The following CDH13 variants were observed in gnomAD, a reference collection of about 807,000 sequenced individuals.
The protein encoded by CDH13 is cadherin-13.
Under a neutral mutation model 63.8 loss-of-function variants are expected in CDH13, and 24 were observed. The observed-to-expected ratio is 0.38, with a 90% CI of 0.27 to 0.53. CDH13 has a LOEUF of 0.53. CDH13 is among the 20% of genes least tolerant of loss of function. The probability of loss-of-function intolerance (pLI) is 0.85; values close to 1 mark genes in which losing one functional copy is unlikely to be tolerated. For missense variants in CDH13, 1,049 were observed against 903.1 expected (o/e 1.16, Z -2.07); for synonymous variants, 503 against 355.3 (o/e 1.42, Z -4.67).
chr16:82,812,654 G>A (rs1184508619), intron 1 of CDH13, among the ~76,000 whole-genome samples: 1 of 152,178 alleles, frequency 6.6e-6, no homozygotes, highest in African/African-American at 2.4e-5. Flanking sequence ...AAACCAGATG[G>A]GAGGGGAAGA....
At chr16:83,276,590 G>C (rs1413316493) in intron 5 of CDH13, among the ~76,000 whole-genome samples, 1 of 152,196 alleles carries the variant, frequency 6.6e-6, no homozygotes, top group Non-Finnish European at 1.5e-5. Context: ...CACATCTTGG[G>C]CCAGGCGTGG....
chr16:82,855,889 G>A (rs1014638516), intron 1 of CDH13, among the ~76,000 whole-genome samples: 1 of 152,134 alleles, frequency 6.6e-6, no homozygotes, highest in African/African-American at 2.4e-5. Context: ...GAGAAGCCCT[G>A]GTTCCACAGC....
chr16:83,478,465 A>G (rs2073670139), intron 6 of CDH13, among the ~76,000 whole-genome samples: 1 of 152,282 alleles, frequency 6.6e-6, no homozygotes, highest in East Asian at 1.9e-4. Context: ...GGTCATTAGC[A>G]TCTTCATCAA....
intron 5 of CDH13, among the ~76,000 whole-genome samples, chr16:83,250,896 G>A (rs1223573174): frequency 1.3e-5 from 2 of 152,086 alleles, no homozygotes; most frequent in East Asian, 3.9e-4. Context: ...CAGTGACACT[G>A]TTATGCAAAC....
chr16:83,003,725 T>A (rs1913184252), intron 2 of CDH13, among the ~76,000 whole-genome samples: 1 of 152,240 alleles, frequency 6.6e-6, no homozygotes, highest in Non-Finnish European at 1.5e-5. Flanking sequence ...CAGAGAAGAT[T>A]ACTACGACCC....
Position 83,345,094 on chromosome 16 carries a change from G to T in CDH13, c.781+88G>T. On this transcript the variant is annotated intron_variant, in intron 6 of 13. Transcript: ENST00000567109. ...GGATTCTAGGGACTGTCTTATGGCT[G>T]TTCCAACTTGTCAGCTCGTATCAGC... is the stretch of plus-strand genomic sequence containing the variant. The T allele has an allele frequency of 4.2e-6, 6 of 1,423,140 alleles. No homozygotes were observed. In the South Asian group the frequency reaches 7.1e-5, roughly 17 times the overall value. 88.2% of individuals were successfully genotyped at this position (1,423,140 alleles called of 1,614,324 possible).
At chr16:82,969,567 G>A (rs1908390834) in intron 2 of CDH13, among the ~76,000 whole-genome samples, 1 of 150,668 alleles carries the variant, frequency 6.6e-6, no homozygotes, top group African/African-American at 2.4e-5. Context: ...TCTCAACCTG[G>A]GCAATATTGA....
intron 6 of CDH13, among the ~76,000 whole-genome samples, chr16:83,440,687 C>T (rs148128996): frequency 3.3e-5 from 5 of 149,800 alleles, no homozygotes; most frequent in Admixed American, 6.7e-5. Context: ...CAGGAGGCTG[C>T]GGCAGGAGAA....
At chr16:83,490,048 C>CACACTCACACAG (rs530046272) in intron 7 of CDH13, among the ~76,000 whole-genome samples, 4 of 150,158 alleles carry the variant, frequency 2.7e-5, no homozygotes, top group African/African-American at 9.9e-5. Context: ...CACACACACA[C>CACACTCACACAG]AGCTCACCAG....
chr16:83,780,201 A>T lies in CDH13; in HGVS notation c.1915A>T (p.Asn639Tyr), dbSNP rs186440718. Reference protein sequence around the residue: ...DKVWKISKINNTHALVSLLQN... With the variant: ...DKVWKISKINYTHALVSLLQN... ...AGTCTGGAAGATCTCCAAGATCAAC[A>T]GTAAGTCTGGCTAAAGCATTTCTGC... Residue 639 changes from asparagine (N) to tyrosine (Y), a missense_variant and splice_region_variant, in exon 12 of 14, where the codon AAT (asparagine) becomes TAT (tyrosine). Asn to Tyr is a moderately radical substitution (Grantham distance 143, BLOSUM62 -2). Transcript: ENST00000567109. 607 of 1,576,458 alleles carry T rather than the reference A, an allele frequency of 3.9e-4. 5 individuals carry two copies. Among genetic ancestry groups the T allele is most frequent in the Non-Finnish European group, 2.5e-5 (29 of 1,154,956 alleles).
At chr16:83,379,934 TATATAG>T (rs1407349419) in intron 6 of CDH13, among the ~76,000 whole-genome samples, 12 of 86,696 alleles carry the variant, frequency 1.4e-4, no homozygotes, top group Non-Finnish European at 2.3e-4. Context: ...TATATATATA[TATATAG>T]AGAGAGAGAG....
intron 7 of CDH13, among the ~76,000 whole-genome samples, chr16:83,502,342 C>G (rs1040349327): frequency 6.6e-6 from 1 of 151,888 alleles, no homozygotes; most frequent in African/African-American, 2.4e-5. Flanking sequence ...GGAGCAAGGG[C>G]CCACCATGCA....
chr16:83,323,247 C>T (rs186211502), intron 5 of CDH13, among the ~76,000 whole-genome samples: 123 of 120,670 alleles, frequency 1.0e-3, no homozygotes, highest in African/African-American at 3.7e-3. Context: ...TCTTTCCTTC[C>T]TTCCTTCTTT....
chr16:83,017,787 C>G (rs1305137684), intron 2 of CDH13, among the ~76,000 whole-genome samples: 1 of 152,096 alleles, frequency 6.6e-6, no homozygotes, highest in Non-Finnish European at 1.5e-5. Flanking sequence ...TTCATATGAA[C>G]CAACACGCTT....
At chr16:83,451,987 G>C (rs1361492127) in intron 6 of CDH13, among the ~76,000 whole-genome samples, 1 of 152,078 alleles carries the variant, frequency 6.6e-6, no homozygotes, top group Non-Finnish European at 1.5e-5. Context: ...CTTTTCCTGT[G>C]GACCCATGAG....
At chr16:83,295,129 G>A (rs2089560504) in intron 5 of CDH13, among the ~76,000 whole-genome samples, 2 of 151,822 alleles carry the variant, frequency 1.3e-5, no homozygotes, top group African/African-American at 4.8e-5. Context: ...ACACAATGGG[G>A]GAAAAAAACT....
chr16:82,746,917 G>T (rs562307549), intron 1 of CDH13, among the ~76,000 whole-genome samples: 2 of 152,244 alleles, frequency 1.3e-5, no homozygotes, highest in African/African-American at 4.8e-5. Flanking sequence ...GTTGTGATTA[G>T]AGCAGCCCTG....
At chr16:83,032,940 G>C (rs998231810) in intron 3 of CDH13, among the ~76,000 whole-genome samples, 1 of 152,132 alleles carries the variant, frequency 6.6e-6, no homozygotes, top group Non-Finnish European at 1.5e-5. Flanking sequence ...ATATTGTGCT[G>C]TATACATATA....
At position 82,644,203 on chromosome 16, in the gene CDH13, C is replaced by T. The variant is rs546044824; in HGVS notation, c.45+17066C>T. Among the ~76,000 whole-genome samples, 18 of 152,198 alleles carry T rather than the reference C, an allele frequency of 1.2e-4. No homozygotes were observed. The highest frequency in any genetic ancestry group is 1.8e-4 in the Non-Finnish European group (12 of 68,022). ...AATGTTTGGCACCCTTTGGCTGGTG[C>T]GGCTGAAGAATTCAATAGCCTAGTA... On this transcript the variant is annotated intron_variant, in intron 1 of 13. Transcript: ENST00000567109. The surrounding 1 kb of genome is among the most constrained non-coding windows in gnomAD (Gnocchi z 5.7).
Sources: gnomAD v4.1 joint callset for allele counts (sites outside exome capture counted in the v4.1 genomes callset) on GRCh38, gnomAD v4.1.1 for gene constraint, Gnocchi (gnomAD v3.1) non-coding constraint, MANE v1.5 for transcripts, NCBI Gene and HGNC (gene_info 2026-07-23, HGNC 2026-07-21) for gene names.